Variants in GNB3 observed in about 807,000 individuals in gnomAD.
The protein encoded by GNB3 is G protein subunit beta 3, also known as guanine nucleotide-binding protein G(I)/G(S)/G(T) subunit beta-3.
Under a neutral mutation model 41.2 loss-of-function variants are expected in GNB3, and 33 were observed. The observed-to-expected ratio is 0.80, with a 90% CI of 0.61 to 1.07. The LOEUF (loss-of-function observed/expected upper bound fraction) is 1.07, where lower values mean the gene tolerates loss of function less well. Ranked by LOEUF, GNB3 falls within the 50% of genes least tolerant of loss-of-function variation. GNB3 has a pLI of 0.00. For missense variants in GNB3, 409 were observed against 455.3 expected (o/e 0.90, Z 0.92); for synonymous variants, 172 against 173.4 (o/e 0.99, Z 0.06).
Position 6,846,794 on chromosome 12 carries a change from A to G in GNB3, c.919A>G (p.Ile307Val). The G allele has an allele frequency of 1.3e-6, 2 of 1,580,152 alleles. No homozygotes were observed. The highest frequency in any genetic ancestry group is 2.3e-5 in the South Asian group (2 of 86,808). Residue 307 changes from isoleucine to valine, a missense_variant and splice_region_variant, in exon 10 of 10, where the codon ATC (isoleucine) becomes GTC (valine). Coordinates refer to ENST00000229264, the MANE Select transcript of GNB3 (RefSeq NM_002075.4). ...WDSMKSERVG[I>V]LSGHDNRVSC... ...TGACTCCTTTCCCTCTTCCTCAGGC[A>G]TCCTCTCTGGCCACGATAACAGGGT... is the stretch of plus-strand genomic sequence containing the variant.
In GNB3 at chr12:6,843,402, T is replaced by C. The variant is rs1943613430; in HGVS notation, c.307T>C (p.Cys103Arg). Residue 103 changes from cysteine (C) to arginine (R), a missense_variant, in exon 6 of 10, where the codon TGT becomes CGT. Cys to Arg is a radical substitution (Grantham distance 180). Transcript: ENST00000229264. The surrounding 1 kb of genome is among the most constrained non-coding windows in gnomAD (Gnocchi z 5.9). The part of the protein sequence containing the change: ...IPLRSSWVMT[C>R]AYAPSGNFVA... ...ACTGCGCTCCTCCTGGGTCATGACC[T>C]GTGCCTATGCCCCATCAGGGAACTT... The C allele has an allele frequency of 6.2e-7, 1 of 1,613,968 alleles. No individual in the cohort carries two copies. The highest frequency in any genetic ancestry group is 8.5e-7 in the Non-Finnish European group (1 of 1,179,924).
rs1290178562 is a variant in GNB3, at chr12:6,844,107, T to C, written c.699+129T>C. On this transcript the variant is annotated intron_variant, in intron 8 of 9. Transcript: ENST00000229264. ...TTTCTTACTGTATTTTTTTTTTTTT[T>C]TTTTTTTTTTTTGAGACAGAGTCTC... 112 of 631,376 alleles carry C rather than the reference T, an allele frequency of 1.8e-4. 4 individuals are homozygous for C. The African/African-American group carries it at 2.1e-3, about 12-fold the overall frequency. 39.1% of individuals were successfully genotyped at this position (631,376 alleles called of 1,614,324 possible). A position where few individuals can be genotyped will look rare whatever the true frequency, so the allele number is the denominator to read the frequency against.
Position 6,847,063 on chromosome 12 carries a change from A to G in GNB3, c.*165A>G, listed in dbSNP as rs1591594478. 4 of 592,180 alleles carry G rather than the reference A, an allele frequency of 6.8e-6. No individual in the cohort carries two copies. Among genetic ancestry groups the G allele is most frequent in the East Asian group, 2.8e-5 (1 of 35,642 alleles). 36.7% of individuals were successfully genotyped at this position (592,180 alleles called of 1,614,324 possible). A position where few individuals can be genotyped will look rare whatever the true frequency, so the allele number is the denominator to read the frequency against. The stretch of plus-strand genomic sequence containing the variant: ...TGGGACTGTGCCTTTGGGAGGCAGC[A>G]TCAGGGACACAGGGGCAAAGAACTG... On this transcript the variant is annotated 3_prime_UTR_variant, in exon 10 of 10. Transcript: ENST00000229264.
intron 3 of GNB3, chr12:6,841,897 G>A: frequency 1.6e-6 from 1 of 644,154 alleles, no homozygotes; most frequent in Non-Finnish European, 2.9e-6. Context: ...AGAAGCGATA[G>A]TACTTTGTAA....
Position 6,843,316 on chromosome 12 carries a change from G to A in GNB3, c.268-47G>A. The A allele has an allele frequency of 8.7e-6, 14 of 1,611,358 alleles. No homozygotes were observed. The highest frequency in any genetic ancestry group is 1.2e-5 in the Non-Finnish European group (14 of 1,177,606). On this transcript the variant is annotated intron_variant, in intron 5 of 9. Transcript: ENST00000229264. The surrounding 1 kb of genome is among the most constrained non-coding windows in gnomAD (Gnocchi z 5.9). ...ATGCCTACCCTCCTGTGCCCAGCTG[G>A]GAGCTTGGCTCCGGTCCCATCTCTG...
At chr12:6,846,662 C>T (rs918704648) in intron 9 of GNB3, 130 bp from the exon 10 acceptor site, 7 of 628,616 alleles carry the variant, frequency 1.1e-5, no homozygotes, top group Non-Finnish European at 2.0e-5. Flanking sequence ...CATACACATG[C>T]ACACATATCC....
At chr12:6,846,443 T>C (rs1051336514) in intron 9 of GNB3, 7 of 208,276 alleles carry the variant, frequency 3.4e-5, no homozygotes, top group African/African-American at 1.2e-4. Flanking sequence ...GGTTTTTTCA[T>C]AGTACACAGA....
chr12:6,843,872 T>G lies in GNB3; in HGVS notation c.593T>G (p.Leu198Arg), dbSNP rs1555123982. The G allele has an allele frequency of 1.2e-6, 2 of 1,614,000 alleles. No individual in the cohort carries two copies. Among genetic ancestry groups the G allele is most frequent in the Non-Finnish European group, 1.7e-6 (2 of 1,179,970 alleles). The part of the protein sequence containing the change: ...MSLAVSPDFN[L>R]FISGACDASA... ...CTGGCTGTGTCTCCTGACTTCAATCTCTTCATTTCGGGGGCCTGTGATGCC... is the reference window on the plus strand; with the variant it reads ...CTGGCTGTGTCTCCTGACTTCAATCGCTTCATTTCGGGGGCCTGTGATGCC... The change falls in exon 8 of 10, where the codon CTC becomes CGC. Residue 198 changes from leucine (L) to arginine (R), a missense_variant. Transcript: ENST00000229264. The surrounding 1 kb of genome is among the most constrained non-coding windows in gnomAD (Gnocchi z 5.9).
intron 1 of GNB3, 57 bp downstream of exon 1, chr12:6,841,090 A>C: frequency 1.7e-6 from 1 of 604,676 alleles, no homozygotes; most frequent in Non-Finnish European, 3.0e-6. Flanking sequence ...GGCAGGGCTC[A>C]GGCAGGCTGG....
chr12:6,842,955 C>T lies in GNB3; in HGVS notation c.97-15C>T. ...AACCTGCTCACCCTGATATTCAGTG[C>T]CCCTCTCTCTGCAGCTGGTGTCTGG... On this transcript the variant is annotated splice_polypyrimidine_tract_variant and intron_variant, in intron 3 of 9. Coordinates refer to ENST00000229264, the MANE Select transcript of GNB3 (RefSeq NM_002075.4). 2.0e-6 allele frequency: 3 copies of T among 1,505,366 alleles called. No homozygotes were observed. Among genetic ancestry groups the T allele is most frequent in the Admixed American group, 4.0e-5 (2 of 49,536 alleles). The allele number at this position is 1,505,366 out of a possible 1,614,324, so 93.3% of individuals were successfully genotyped here. A position where few individuals can be genotyped will look rare whatever the true frequency, so the allele number is the denominator to read the frequency against.
At chr12:6,846,629 A>C (rs1943705972) in intron 9 of GNB3, 163 bp from the exon 10 acceptor site, 1 of 578,276 alleles carries the variant, frequency 1.7e-6, no homozygotes, top group East Asian at 2.8e-5. Context: ...ATGCACACAC[A>C]CACGTACACA....
chr12:6,841,882 G>A, intron 3 of GNB3: 1 of 673,918 alleles, frequency 1.5e-6, no homozygotes, highest in South Asian at 1.5e-5. Context: ...GGGCCTTGAA[G>A]ATGAAGAAGC....
In GNB3 at chr12:6,843,712, T is replaced by C; in HGVS notation, c.497+14T>C. The C allele has an allele frequency of 6.2e-7, 1 of 1,613,772 alleles. No individual in the cohort carries two copies. Among genetic ancestry groups the C allele is most frequent in the East Asian group, 2.2e-5 (1 of 44,876 alleles). On this transcript the variant is annotated intron_variant, in intron 7 of 9. Coordinates refer to ENST00000229264, the MANE Select transcript of GNB3 (RefSeq NM_002075.4). The surrounding 1 kb of genome is among the most constrained non-coding windows in gnomAD (Gnocchi z 5.9). ...GGACACCACGTGGTGAGGCTGAACA[T>C]TGCTGGTGCTGGGGCTTGGGAGTGG...
rs1357316889 is a variant in GNB3 at position 6,844,091 on chromosome 12, GTA to G, written c.699+115_699+116del. The G allele has an allele frequency of 5.6e-3, 1,445 of 258,442 alleles. 81 individuals are homozygous for G. The highest frequency in any genetic ancestry group is 9.5e-3 in the Middle Eastern group (8 of 842). 16.0% of individuals were successfully genotyped at this position (258,442 alleles called of 1,614,324 possible). A position where few individuals can be genotyped will look rare whatever the true frequency, so the allele number is the denominator to read the frequency against. ...ATAGCTTCCCTAGCCCTTTCTTACT[GTA>G]TTTTTTTTTTTTTTTTTTTTTTTTT... is the stretch of plus-strand genomic sequence containing the variant. On this transcript the variant is annotated intron_variant, in intron 8 of 9. Coordinates refer to ENST00000229264, the MANE Select transcript of GNB3 (RefSeq NM_002075.4).
rs1943598785 is a variant in GNB3, at chr12:6,842,896, T to G, written c.97-74T>G. The G allele has an allele frequency of 5.2e-6, 5 of 956,676 alleles. No homozygotes were observed. In the South Asian group the frequency reaches 8.3e-5, roughly 16 times the overall value. 59.3% of individuals were successfully genotyped at this position (956,676 alleles called of 1,614,324 possible). On this transcript the variant is annotated intron_variant, in intron 3 of 9. Coordinates refer to ENST00000229264, the MANE Select transcript of GNB3 (RefSeq NM_002075.4). ...GCCTGGCACAGAGCGGGAACTTGTA[T>G]AGATCAGTGGCAGTGACAGACATCT... is the stretch of plus-strand genomic sequence containing the variant.
At chr12:6,842,248 TG>T (rs1442176452) in intron 3 of GNB3, among the ~76,000 whole-genome samples, 3 of 152,164 alleles carry the variant, frequency 2.0e-5, no homozygotes, top group African/African-American at 7.2e-5. Flanking sequence ...TGAAGCAACT[TG>T]CCCAAGATAA....
At position 6,843,239 on chromosome 12, in the gene GNB3, T is replaced by TA. The variant is rs1555123794; in HGVS notation, c.267+3dup. ...TGGGACAGCTACACCACCAACAAGG[T>TA]ACCAGCCCTGCCTCCCTGAGCCTCC... is the stretch of plus-strand genomic sequence containing the variant. On this transcript the variant is annotated splice_region_variant and intron_variant, in intron 5 of 9. Coordinates refer to ENST00000229264, the MANE Select transcript of GNB3 (RefSeq NM_002075.4). The surrounding 1 kb of genome is among the most constrained non-coding windows in gnomAD (Gnocchi z 5.9). The TA allele has an allele frequency of 6.2e-7, 1 of 1,613,644 alleles. No individual in the cohort carries two copies. The highest frequency in any genetic ancestry group is 1.7e-5 in the Admixed American group (1 of 60,026).
rs782055813 is a variant in GNB3, at chr12:6,843,285, G to A, written c.267+48G>A. ...CCTCCACCACTGCATCCTTCCTAAG[G>A]GCGCCATGCCTACCCTCCTGTGCCC... On this transcript the variant is annotated intron_variant, in intron 5 of 9. Coordinates refer to ENST00000229264, the MANE Select transcript of GNB3 (RefSeq NM_002075.4). This position sits in a 1 kb window ranked among gnomAD's most constrained non-coding sequence, Gnocchi z 5.9. The A allele has an allele frequency of 1.2e-6, 2 of 1,610,952 alleles. No individual in the cohort carries two copies. The highest frequency in any genetic ancestry group is 1.7e-5 in the Admixed American group (1 of 60,000).
At position 6,843,449 on chromosome 12, in the gene GNB3, C is replaced by G. The variant is rs781783500; in HGVS notation, c.354C>G (p.Asp118Glu). Residue 118 changes from aspartate to glutamate, a missense_variant, in exon 6 of 10, where the codon GAC becomes GAG. Transcript: ENST00000229264. The surrounding 1 kb of genome is among the most constrained non-coding windows in gnomAD (Gnocchi z 5.9). ...SGNFVACGGL[D>E]NMCSIYNLKS... ...ACTTTGTGGCATGTGGGGGGCTGGA[C>G]AACATGTGTTCCATCTACAACCTCA... The G allele has an allele frequency of 6.2e-7, 1 of 1,614,062 alleles. No homozygotes were observed. The highest frequency in any genetic ancestry group is 8.5e-7 in the Non-Finnish European group (1 of 1,179,930).
Sources: allele counts gnomAD v4.1 joint callset (sites outside exome capture counted in the v4.1 genomes callset), GRCh38; gene constraint gnomAD v4.1.1; non-coding constraint Gnocchi (gnomAD v3.1); transcripts MANE v1.5; gene names NCBI Gene and HGNC (gene_info 2026-07-23, HGNC 2026-07-21).